The following TRIM34 variants were observed in gnomAD, a reference collection of about 807,000 sequenced individuals.
The protein encoded by TRIM34 is tripartite motif containing 34, also known as E3 ubiquitin-protein ligase TRIM34.
In TRIM34, 41 loss-of-function variants were observed where a neutral mutation model predicts 38.1. The ratio of observed to expected loss-of-function variants is 1.08; its 90% CI spans 0.84 to 1.40. The LOEUF is 1.40. TRIM34 is among the 40% of genes most tolerant of loss of function. TRIM34 has a pLI of 0.00. For synonymous variants in TRIM34, 200 were observed against 202.5 expected (o/e 0.99, Z 0.10); for missense variants, 556 against 571.4 (o/e 0.97, Z 0.27).
At chr11:5,642,084 A>G (rs899874444) in intron 5 of TRIM34, among the ~76,000 whole-genome samples, 3 of 152,198 alleles carry the variant, frequency 2.0e-5, no homozygotes, top group African/African-American at 7.2e-5. Flanking sequence ...TACAGGTAGC[A>G]AAGTCTTTTC....
rs776499729 is a variant in TRIM34 at position 5,632,530 on chromosome 11, C to CATCT, written c.201_204dup (p.Gln69SerfsTer4). 6.2e-7 allele frequency: 1 copy of CATCT among 1,613,924 alleles called. No homozygotes were observed. Among genetic ancestry groups the CATCT allele is most frequent in the Non-Finnish European group, 8.5e-7 (1 of 1,179,998 alleles). On this transcript the variant is annotated frameshift_variant, in exon 2 of 8. Transcript: ENST00000429814. ...GTGTGGTATCAGTTACTCATTTGAA[C>CATCT]ATCTACAGGCTAATCAGCATCTGGC...
chr11:5,634,673 G>T lies in TRIM34; in HGVS notation c.562G>T (p.Asp188Tyr). The change falls in exon 4 of 8, where the codon GAT becomes TAT. Residue 188 changes from aspartate to tyrosine, a missense_variant. By Grantham distance (160) the Asp-to-Tyr change is radical (BLOSUM62 -3). Transcript: ENST00000429814. ...GAGACAAAGGATACAAACAGAATTT[G>T]ATCAGCTTAGAAGCATCCTAAATAA... ...TERQRIQTEF[D>Y]QLRSILNNEE... 3.7e-6 allele frequency: 6 copies of T among 1,613,836 alleles called. No individual in the cohort carries two copies. The highest frequency in any genetic ancestry group is 5.1e-6 in the Non-Finnish European group (6 of 1,179,938).
At chr11:5,620,085 T>C (rs971247274), upstream of TRIM34, 4 of 151,786 alleles carry the variant, frequency 2.6e-5, no homozygotes, top group African/African-American at 9.7e-5. Context: ...GGTGGCAGTT[T>C]TTTTCCTGTG....
chr11:5,628,824 G>C (rs919917520), intron 1 of TRIM34, among the ~76,000 whole-genome samples: 3 of 149,602 alleles, frequency 2.0e-5, no homozygotes, highest in African/African-American at 4.9e-5. Context: ...TTTTCAGAAG[G>C]CTCTATGTGA....
intron 1 of TRIM34, 146 bp from the exon 2 acceptor site, chr11:5,632,109 C>T: frequency 8.7e-7 from 1 of 1,155,512 alleles, no homozygotes; most frequent in Non-Finnish European, 1.2e-6. Context: ...AACAGCTCGC[C>T]CAGACCACTT....
intron 2 of TRIM34, among the ~76,000 whole-genome samples, chr11:5,633,249 C>T (rs1180585694): frequency 6.6e-6 from 1 of 151,278 alleles, no homozygotes; most frequent in Non-Finnish European, 1.5e-5. Flanking sequence ...CTTCTTTACC[C>T]CCTGTGGAAC....
chr11:5,635,295 T>G (rs1265446632), intron 4 of TRIM34, among the ~76,000 whole-genome samples: 1 of 147,532 alleles, frequency 6.8e-6, no homozygotes, highest in Non-Finnish European at 1.5e-5. Flanking sequence ...TCGCTCTGTC[T>G]CCCAGGCTGG....
Position 5,634,687 on chromosome 11 carries a change from C to A in TRIM34, c.576C>A (p.Ser192Arg). The A allele has an allele frequency of 1.2e-6, 2 of 1,614,022 alleles. No homozygotes were observed. The highest frequency in any genetic ancestry group is 1.3e-5 in the African/African-American group (1 of 74,974). The part of the protein sequence containing the change: ...RIQTEFDQLR[S>R]ILNNEEQREL... The stretch of plus-strand genomic sequence containing the variant: ...AAACAGAATTTGATCAGCTTAGAAG[C>A]ATCCTAAATAATGAGGAGCAGAGAG... The change falls in exon 4 of 8, where the codon AGC (serine) becomes AGA (arginine). Residue 192 changes from serine (S) to arginine (R), a missense_variant. Ser to Arg is a moderately radical substitution (Grantham distance 110). Coordinates refer to ENST00000429814, the MANE Select transcript of TRIM34 (RefSeq NM_021616.6).
chr11:5,631,138 C>T (rs1849465807), intron 1 of TRIM34, among the ~76,000 whole-genome samples: 1 of 152,184 alleles, frequency 6.6e-6, no homozygotes. Flanking sequence ...TTACACCCCT[C>T]CCCCAACGAA....
rs997611139 is a variant in TRIM34 at position 5,632,260 on chromosome 11, C to T, written c.-72C>T. Reference sequence around the variant, plus strand: ...TCCCCTTTCAATCTTCTCAGCCATCCAGGGGTCTTTAACCAGAAGAGAGAG... The same window carrying T: ...TCCCCTTTCAATCTTCTCAGCCATCTAGGGGTCTTTAACCAGAAGAGAGAG... On this transcript the variant is annotated 5_prime_UTR_variant, in exon 2 of 8. Transcript: ENST00000429814. 4.4e-6 allele frequency: 7 copies of T among 1,603,722 alleles called. No individual in the cohort carries two copies. Among genetic ancestry groups the T allele is most frequent in the Non-Finnish European group, 6.0e-6 (7 of 1,175,946 alleles).
At position 5,643,125 on chromosome 11, in the gene TRIM34, A is replaced by ATATATATTT. The variant is rs1554923130; in HGVS notation, c.902-18_902-17insATATATTTT. Reference sequence around the variant, plus strand: ...ATTATATTCATATACATATATATATATTTTTTTTTTTCTTGCAGTGGATGT... The same window carrying ATATATATTT: ...ATTATATTCATATACATATATATATATATATATTTTTTTTTTTTTTCTTGCAGTGGATGT... On this transcript the variant is annotated intron_variant, in intron 7 of 7. Coordinates refer to ENST00000429814, the MANE Select transcript of TRIM34 (RefSeq NM_021616.6). 5.5e-3 allele frequency: 5,374 copies of ATATATATTT among 972,798 alleles called. 18 individuals carry two copies. The highest frequency in any genetic ancestry group is 6.3e-3 in the Non-Finnish European group (4,784 of 760,284). 60.3% of individuals were successfully genotyped at this position (972,798 alleles called of 1,614,324 possible).
chr11:5,640,139 A>G (rs1849943180), intron 4 of TRIM34, among the ~76,000 whole-genome samples: 1 of 152,220 alleles, frequency 6.6e-6, no homozygotes, highest in East Asian at 1.9e-4. Flanking sequence ...TGCCCTGACT[A>G]GAACCTCCAA....
chr11:5,644,391 G>C lies in TRIM34; in HGVS notation c.*682G>C. ...ATAATAAATATTTGCTCTCATGATT[G>C]CTAAAAAGTGTGAGCTGTAGTAATG... On this transcript the variant is annotated 3_prime_UTR_variant, in exon 8 of 8. Transcript: ENST00000429814. 2.5e-6 allele frequency: 1 copy of C among 396,198 alleles called. No homozygotes were observed. Among genetic ancestry groups the C allele is most frequent in the Non-Finnish European group, 4.4e-6 (1 of 225,012 alleles). 24.5% of individuals were successfully genotyped at this position (396,198 alleles called of 1,614,324 possible). A position where few individuals can be genotyped will look rare whatever the true frequency, so the allele number is the denominator to read the frequency against.
chr11:5,643,781 A>C lies in TRIM34; in HGVS notation c.*72A>C. ...TGCAACTGACTCATCTGCAACATTC[A>C]CACCATTGCTTCCTTGTGGTTTCCC... On this transcript the variant is annotated 3_prime_UTR_variant, in exon 8 of 8. Coordinates refer to ENST00000429814, the MANE Select transcript of TRIM34 (RefSeq NM_021616.6). 1 of 1,507,458 alleles carries C rather than the reference A, an allele frequency of 6.6e-7. No individual in the cohort carries two copies. The highest frequency in any genetic ancestry group is 1.4e-5 in the South Asian group (1 of 73,086). The allele number at this position is 1,507,458 out of a possible 1,614,324, so 93.4% of individuals were successfully genotyped here. A position where few individuals can be genotyped will look rare whatever the true frequency, so the allele number is the denominator to read the frequency against.
At chr11:5,626,004 T>C (rs55649180) in intron 1 of TRIM34, among the ~76,000 whole-genome samples, 3,229 of 152,358 alleles carry the variant, frequency 0.021, 57 homozygotes, top group Non-Finnish European at 0.026. Context: ...GTGAGCAATT[T>C]GCACCTTGAT....
rs1200413211 is a variant in TRIM34 at position 5,644,315 on chromosome 11, G to T, written c.*606G>T. On this transcript the variant is annotated 3_prime_UTR_variant, in exon 8 of 8. Coordinates refer to ENST00000429814, the MANE Select transcript of TRIM34 (RefSeq NM_021616.6). ...ACTGTACCTAACTATTAAGATCACTGTGTAAAACTAAGTGTCTCTAAATGT... is the reference window on the plus strand; with the variant it reads ...ACTGTACCTAACTATTAAGATCACTTTGTAAAACTAAGTGTCTCTAAATGT... 4 of 398,452 alleles carry T rather than the reference G, an allele frequency of 1.0e-5. No homozygotes were observed. The highest frequency in any genetic ancestry group is 1.8e-5 in the Non-Finnish European group (4 of 226,066). The allele number at this position is 398,452 out of a possible 1,614,324, so 24.7% of individuals were successfully genotyped here. A position where few individuals can be genotyped will look rare whatever the true frequency, so the allele number is the denominator to read the frequency against.
intron 7 of TRIM34, 111 bp from the exon 8 acceptor site, chr11:5,643,033 T>C (rs1850083826): frequency 1.5e-6 from 2 of 1,291,584 alleles, no homozygotes; most frequent in South Asian, 1.6e-5. Flanking sequence ...CCCAAGTTCG[T>C]TCATCACCAT....
chr11:5,637,961 C>T (rs1384089149), intron 4 of TRIM34, among the ~76,000 whole-genome samples: 1 of 152,180 alleles, frequency 6.6e-6, no homozygotes, highest in Non-Finnish European at 1.5e-5. Flanking sequence ...GTAATAACAC[C>T]TGGAATTACT....
intron 4 of TRIM34, among the ~76,000 whole-genome samples, chr11:5,636,910 GC>G (rs1443890702): frequency 6.6e-6 from 1 of 152,188 alleles, no homozygotes; most frequent in African/African-American, 2.4e-5. Flanking sequence ...ACTTTGGGAG[GC>G]CGAGGTGGGT....
Sources: allele counts gnomAD v4.1 joint callset (sites outside exome capture counted in the v4.1 genomes callset), GRCh38; gene constraint gnomAD v4.1.1; transcripts MANE v1.5; gene names NCBI Gene and HGNC (gene_info 2026-07-23, HGNC 2026-07-21).